The following SGCG variants were observed in gnomAD, a reference collection of about 807,000 sequenced individuals.
SGCG encodes sarcoglycan gamma, also known as gamma-sarcoglycan.
SGCG carries 26 observed loss-of-function variants against 29.3 expected under a neutral mutation model. The observed-to-expected ratio is 0.89, with a 90% CI of 0.65 to 1.23. The LOEUF is 1.23. SGCG is among the 50% of genes most tolerant of loss of function. SGCG has a pLI of 0.00. For synonymous variants in SGCG, 145 were observed against 129.7 expected, an observed-to-expected ratio of 1.12 and a Z score of -0.80; for missense variants, 353 against 356.0, an observed-to-expected ratio of 0.99 and a Z score of 0.07.
At chr13:23,174,888 G>A in the SGCG span, among the ~76,000 whole-genome samples, 1 of 151,436 alleles carries the variant, frequency 6.6e-6, no homozygotes, top group Admixed American at 6.6e-5. Context: ...GAATGGAATG[G>A]AATCAGCTTT....
chr13:23,317,758 A>G (rs1882876998), intron 6 of SGCG, among the ~76,000 whole-genome samples: 1 of 152,092 alleles, frequency 6.6e-6, no homozygotes, highest in African/African-American at 2.4e-5. Flanking sequence ...TATTATCTTT[A>G]TTTGAAGATT....
intron 5 of SGCG, among the ~76,000 whole-genome samples, chr13:23,283,376 C>T (rs946842236): frequency 7.2e-5 from 11 of 152,112 alleles, no homozygotes; most frequent in African/African-American, 2.4e-4. Context: ...ATGTAATGCC[C>T]TTCTTTGTCT....
chr13:23,173,875 A>G, the SGCG span, among the ~76,000 whole-genome samples: 2 of 152,216 alleles, frequency 1.3e-5, no homozygotes, highest in Non-Finnish European at 2.9e-5. Flanking sequence ...ACCTTTAAAC[A>G]GTAATATATC....
At chr13:23,188,678 A>G (rs1877108842) in intron 1 of SGCG, among the ~76,000 whole-genome samples, 1 of 152,086 alleles carries the variant, frequency 6.6e-6, no homozygotes, top group Admixed American at 6.5e-5. Flanking sequence ...ACATGGTATC[A>G]TGAAGTTAGT....
chr13:23,316,212 C>G (rs1467420190), intron 6 of SGCG, among the ~76,000 whole-genome samples: 1 of 152,176 alleles, frequency 6.6e-6, no homozygotes, highest in Non-Finnish European at 1.5e-5. Context: ...TATTGGACCT[C>G]TTCCATCATG....
At chr13:23,168,323 A>G in the SGCG span, among the ~76,000 whole-genome samples, 18 of 152,142 alleles carry the variant, frequency 1.2e-4, no homozygotes, top group African/African-American at 4.1e-4. Flanking sequence ...TATTTTTCAT[A>G]TTTAAATATG....
At chr13:23,289,294 G>A (rs1031705996) in intron 5 of SGCG, among the ~76,000 whole-genome samples, 1 of 152,182 alleles carries the variant, frequency 6.6e-6, no homozygotes, top group Non-Finnish European at 1.5e-5. Flanking sequence ...GGAAGGACAT[G>A]TATTATCTCA....
chr13:23,303,871 A>T (rs1369078536), intron 6 of SGCG, among the ~76,000 whole-genome samples: 1 of 152,180 alleles, frequency 6.6e-6, no homozygotes, highest in African/African-American at 2.4e-5. Context: ...TTTGCACACT[A>T]GCATTGTTAC....
At chr13:23,284,993 A>C in intron 5 of SGCG, among the ~76,000 whole-genome samples, 1 of 152,170 alleles carries the variant, frequency 6.6e-6, no homozygotes, top group Admixed American at 6.5e-5. Context: ...TTCGTCCCAG[A>C]GGGGAACCTG....
chr13:23,278,878 G>T (rs1017789580), intron 4 of SGCG, among the ~76,000 whole-genome samples: 1 of 152,230 alleles, frequency 6.6e-6, no homozygotes, highest in Non-Finnish European at 1.5e-5. Flanking sequence ...GGGGTAAGGG[G>T]TGAGCAGCCC....
chr13:23,284,692 G>T (rs528690610), intron 5 of SGCG, among the ~76,000 whole-genome samples: 55 of 152,236 alleles, frequency 3.6e-4, no homozygotes, highest in Admixed American at 2.0e-3. Flanking sequence ...AGGCATTCTG[G>T]TTTTTGGAAT....
chr13:23,163,241 C>T, the SGCG span, among the ~76,000 whole-genome samples: 12,848 of 152,196 alleles, frequency 0.084, 627 homozygotes, highest in South Asian at 0.12. Context: ...AATTAACTAC[C>T]TTAGCAACAT....
Position 23,315,064 on chromosome 13 carries a change from T to C in SGCG, c.579-5573T>C, listed in dbSNP as rs553134144. On this transcript the variant is annotated intron_variant, in intron 6 of 7. Coordinates refer to ENST00000218867, the MANE Select transcript of SGCG (RefSeq NM_000231.3). ...GATCCAATGGTGCTTGAGGTGTCAG[T>C]GGCAGATAGGGACGCTGTTTACAGC... 3.3e-5 allele frequency among the ~76,000 whole-genome samples: 5 copies of C among 152,324 alleles called. No individual in the cohort carries two copies. In the South Asian group the frequency reaches 1.0e-3, roughly 32 times the overall value.
At chr13:23,173,927 C>T in the SGCG span, among the ~76,000 whole-genome samples, 1 of 152,142 alleles carries the variant, frequency 6.6e-6, no homozygotes, top group Admixed American at 6.5e-5. Context: ...GACAGAATTA[C>T]GTCTCTGCAG....
chr13:23,286,206 GTC>G (rs1881489887), intron 5 of SGCG, among the ~76,000 whole-genome samples: 1 of 152,126 alleles, frequency 6.6e-6, no homozygotes, highest in African/African-American at 2.4e-5. Flanking sequence ...GTAGCCACTG[GTC>G]TCTCACCATT....
At chr13:23,300,248 G>A (rs965422999) in intron 6 of SGCG, among the ~76,000 whole-genome samples, 1 of 152,208 alleles carries the variant, frequency 6.6e-6, no homozygotes, top group Non-Finnish European at 1.5e-5. Flanking sequence ...TACCTAGTAA[G>A]TGTTTATAAA....
chr13:23,222,652 C>G (rs755189867), intron 2 of SGCG, among the ~76,000 whole-genome samples: 1 of 151,768 alleles, frequency 6.6e-6, no homozygotes, highest in Non-Finnish European at 1.5e-5. Flanking sequence ...ATGGTGAAAC[C>G]CTGTCTCTAC....
chr13:23,195,722 A>T (rs1362691818), intron 1 of SGCG, among the ~76,000 whole-genome samples: 1 of 151,954 alleles, frequency 6.6e-6, no homozygotes, highest in African/African-American at 2.4e-5. Context: ...TTCGAGAATT[A>T]TGCTGATTAT....
At chr13:23,323,647 A>G (rs907518798) in intron 7 of SGCG, among the ~76,000 whole-genome samples, 3 of 152,214 alleles carry the variant, frequency 2.0e-5, no homozygotes, top group African/African-American at 7.2e-5. Flanking sequence ...TAACTAAATT[A>G]TCATATGACC....
Sources: gnomAD v4.1 joint callset for allele counts (sites outside exome capture counted in the v4.1 genomes callset) on GRCh38, gnomAD v4.1.1 for gene constraint, MANE v1.5 for transcripts, NCBI Gene and HGNC (gene_info 2026-07-23, HGNC 2026-07-21) for gene names.